Variants in PTPN14 observed in about 807,000 individuals in gnomAD.
PTPN14 encodes the protein protein tyrosine phosphatase non-receptor type 14.
PTPN14 carries 53 observed loss-of-function variants against 126.8 expected under a neutral mutation model. The observed-to-expected ratio is 0.42, with a 90% CI of 0.34 to 0.53. The LOEUF (loss-of-function observed/expected upper bound fraction) is 0.53, where lower values mean the gene tolerates loss of function less well. Ranked by LOEUF, PTPN14 falls within the 20% of genes least tolerant of loss-of-function variation. PTPN14 has a pLI of 0.08. For synonymous variants in PTPN14, 630 were observed against 599.3 expected (o/e 1.05, Z -0.75); for missense variants, 1,257 against 1,552.9 (o/e 0.81, Z 3.20).
At chr1:214,543,111 G>C (rs958050512) in intron 1 of PTPN14, among the ~76,000 whole-genome samples, 4 of 152,168 alleles carry the variant, frequency 2.6e-5, no homozygotes, top group Non-Finnish European at 4.4e-5. Flanking sequence ...GTAAAAACTA[G>C]TAACTTTGAG....
chr1:214,468,471 A>G (rs146217406), intron 1 of PTPN14, among the ~76,000 whole-genome samples: 14,320 of 152,082 alleles, frequency 0.094, 688 homozygotes, highest in South Asian at 0.12. Context: ...CAGGAGAATC[A>G]CCTGAACCCA....
rs1215009620 is a variant in PTPN14, at chr1:214,531,426, G to A, written c.-155+19757C>T. 3 of 151,092 alleles carry A rather than the reference G, an allele frequency of 2.0e-5. No individual in the cohort carries two copies. In the East Asian group the frequency reaches 5.9e-4, roughly 29 times the overall value. The allele number at this position is 151,092 out of a possible 1,614,324, so 9.4% of individuals were successfully genotyped here. A position where few individuals can be genotyped will look rare whatever the true frequency, so the allele number is the denominator to read the frequency against. On this transcript the variant is annotated intron_variant, in intron 1 of 18. Transcript: ENST00000366956. Reference sequence around the variant, plus strand: ...GACGTTTCTCCGCCAAATGAGGGAGGAGGCATTTGCACTCCAATAGTAGTT... The same window carrying A: ...GACGTTTCTCCGCCAAATGAGGGAGAAGGCATTTGCACTCCAATAGTAGTT...
chr1:214,393,856 G>A, intron 9 of PTPN14, 79 bp from the exon 10 acceptor site: 1 of 1,150,952 alleles, frequency 8.7e-7, no homozygotes, highest in Non-Finnish European at 1.3e-6. Context: ...TTCTGAGGAG[G>A]GACACACATC....
chr1:214,422,640 G>A lies in PTPN14; in HGVS notation c.345-7914C>T, dbSNP rs186152445. Reference sequence around the variant, plus strand: ...CTTCCTGGTAAACGGCCACGTTCCCGGCTAAGGATTCTGCATAACATCCTT... The same window carrying A: ...CTTCCTGGTAAACGGCCACGTTCCCAGCTAAGGATTCTGCATAACATCCTT... On this transcript the variant is annotated intron_variant, in intron 3 of 18. Coordinates refer to ENST00000366956, the MANE Select transcript of PTPN14 (RefSeq NM_005401.5). Among the ~76,000 whole-genome samples the A allele has an allele frequency of 1.2e-4, 19 of 152,308 alleles. No homozygotes were observed. In the East Asian group the frequency reaches 3.5e-3, roughly 28 times the overall value.
intron 10 of PTPN14, among the ~76,000 whole-genome samples, chr1:214,393,190 C>T (rs1367109263): frequency 3.9e-5 from 6 of 152,188 alleles, no homozygotes; most frequent in African/African-American, 1.4e-4. Flanking sequence ...GTGTCTTCCA[C>T]ATCTTCCTCT....
intron 1 of PTPN14, among the ~76,000 whole-genome samples, chr1:214,537,174 C>T (rs1238827158): frequency 1.3e-5 from 2 of 152,174 alleles, no homozygotes. Flanking sequence ...ATAACTTGAG[C>T]TCATTCCTGG....
At chr1:214,465,584 A>C (rs1292502116) in intron 1 of PTPN14, among the ~76,000 whole-genome samples, 4 of 152,124 alleles carry the variant, frequency 2.6e-5, no homozygotes, top group African/African-American at 9.7e-5. Context: ...TCATGCCTGC[A>C]CTCCAGCTTG....
At chr1:214,452,009 T>G in intron 2 of PTPN14, 35 bp from the exon 3 acceptor site, 1 of 1,590,994 alleles carries the variant, frequency 6.3e-7, no homozygotes, top group African/African-American at 1.3e-5. Context: ...CAGTTCATGC[T>G]CACCACAAGC....
chr1:214,377,925 G>A (rs766403114), intron 14 of PTPN14, 34 bp downstream of exon 14: 1 of 1,597,304 alleles, frequency 6.3e-7, no homozygotes, highest in South Asian at 1.1e-5. Context: ...TAAGACTACA[G>A]AGAATGAGTC....
chr1:214,529,199 C>T (rs1164258072), intron 1 of PTPN14: 1 of 151,962 alleles, frequency 6.6e-6, no homozygotes, highest in South Asian at 2.1e-4. Flanking sequence ...TGTCTGTAGC[C>T]CCAGATACAC....
chr1:214,484,239 ATAAAAAAT>A (rs1661063488), intron 1 of PTPN14, among the ~76,000 whole-genome samples: 1 of 152,118 alleles, frequency 6.6e-6, no homozygotes, highest in Non-Finnish European at 1.5e-5. Context: ...CCTAGTCTCT[ATAAAAAAT>A]TAAAAAATTA....
chr1:214,363,310 A>T (rs1657999043), intron 18 of PTPN14, among the ~76,000 whole-genome samples: 1 of 152,200 alleles, frequency 6.6e-6, no homozygotes, highest in Admixed American at 6.5e-5. Context: ...ATGGGCAGAG[A>T]GTTTAATGTC....
At chr1:214,543,894 C>T (rs563882871) in intron 1 of PTPN14, among the ~76,000 whole-genome samples, 7 of 152,286 alleles carry the variant, frequency 4.6e-5, no homozygotes, top group African/African-American at 1.7e-4. Context: ...CCTGGGATTA[C>T]AGGCGTGAGC....
At chr1:214,499,766 T>G (rs1171490462) in intron 1 of PTPN14, among the ~76,000 whole-genome samples, 1 of 151,440 alleles carries the variant, frequency 6.6e-6, no homozygotes, top group African/African-American at 2.4e-5. Context: ...TATTTCTAAT[T>G]TAAGCATTCA....
intron 1 of PTPN14, among the ~76,000 whole-genome samples, chr1:214,478,478 G>A (rs1222301091): frequency 6.6e-6 from 1 of 152,016 alleles, no homozygotes; most frequent in Admixed American, 6.6e-5. Flanking sequence ...GATATAAGAG[G>A]AGGAACAGAG....
chr1:214,427,374 T>G (rs990399137), intron 3 of PTPN14, among the ~76,000 whole-genome samples: 35 of 151,826 alleles, frequency 2.3e-4, no homozygotes, highest in Middle Eastern at 3.4e-3. Flanking sequence ...ATGTATTGAA[T>G]AGAAATCATT....
chr1:214,498,425 G>GT (rs941154862), intron 1 of PTPN14, among the ~76,000 whole-genome samples: 18 of 152,300 alleles, frequency 1.2e-4, no homozygotes, highest in Admixed American at 4.6e-4. Context: ...TCAGAGGGAT[G>GT]TAAGAGAGAA....
In PTPN14 at chr1:214,442,429, A is replaced by C. The variant is rs562201396; in HGVS notation, c.344+9376T>G. On this transcript the variant is annotated intron_variant, in intron 3 of 18. Coordinates refer to ENST00000366956, the MANE Select transcript of PTPN14 (RefSeq NM_005401.5). ...TTTTTTTGGTAAACTTTGTTTTTCT[A>C]ATGGCTAAAACATACGTATAAGCAT... Among the ~76,000 whole-genome samples, 8 of 152,380 alleles carry C rather than the reference A, an allele frequency of 5.3e-5. No individual in the cohort carries two copies. The South Asian group carries it at 1.4e-3, about 28-fold the overall frequency.
chr1:214,462,535 T>C (rs908690549), intron 2 of PTPN14, among the ~76,000 whole-genome samples: 1 of 152,226 alleles, frequency 6.6e-6, no homozygotes, highest in Non-Finnish European at 1.5e-5. Flanking sequence ...CTGATACATG[T>C]CCTTCAAGTT....
Sources: allele counts gnomAD v4.1 joint callset (sites outside exome capture counted in the v4.1 genomes callset), GRCh38; gene constraint gnomAD v4.1.1; transcripts MANE v1.5; gene names NCBI Gene and HGNC (gene_info 2026-07-23, HGNC 2026-07-21).